Variants in TNPO3 observed in about 807,000 individuals in gnomAD.
The protein encoded by TNPO3 is transportin 3.
TNPO3 carries 65 observed loss-of-function variants against 122.8 expected under a neutral mutation model. The ratio of observed to expected loss-of-function variants is 0.53; its 90% CI spans 0.43 to 0.65. The LOEUF is 0.65. Among genes scored for constraint, TNPO3 ranks in the 30% least tolerant of loss-of-function variants. The probability of loss-of-function intolerance (pLI) is 0.00; values close to 1 mark genes in which losing one functional copy is unlikely to be tolerated. For synonymous variants in TNPO3, 372 were observed against 411.2 expected, an observed-to-expected ratio of 0.90 and a Z score of 1.15; for missense variants, 850 against 1,136.7, an observed-to-expected ratio of 0.75 and a Z score of 3.63.
intron 15 of TNPO3, among the ~76,000 whole-genome samples, chr7:128,979,337 A>T (rs1031323294): frequency 6.6e-6 from 1 of 152,246 alleles, no homozygotes; most frequent in African/African-American, 2.4e-5. Context: ...TTAGAACTGG[A>T]AGAGCATGTC....
intron 1 of TNPO3, among the ~76,000 whole-genome samples, chr7:129,019,522 C>T (rs748015319): frequency 5.3e-5 from 8 of 151,874 alleles, no homozygotes; most frequent in African/African-American, 1.9e-4. Flanking sequence ...AAATAAAGAC[C>T]CTGAATTTCC....
Position 129,017,003 on chromosome 7 carries a change from A to G in TNPO3, c.375T>C (p.Cys125=). The change falls in exon 3 of 23, where the codon TGT becomes TGC. Residue 125 remains cysteine, a synonymous_variant. Coordinates refer to ENST00000265388, the MANE Select transcript of TNPO3 (RefSeq NM_012470.4). ...LALQMPSWKG[C]VQTLVEKYSN... is the part of the protein sequence containing the mutation. ...CTTACTTTTCCACCAGTGTTTGCAC[A>G]CATCCCTTCCAGGAAGGCATCTGTA... The G allele has an allele frequency of 6.2e-7, 1 of 1,613,214 alleles. No homozygotes were observed. The highest frequency in any genetic ancestry group is 8.5e-7 in the Non-Finnish European group (1 of 1,179,954).
intron 1 of TNPO3, among the ~76,000 whole-genome samples, chr7:129,021,110 C>G (rs988692714): frequency 4.9e-4 from 75 of 151,976 alleles, no homozygotes; most frequent in Admixed American, 1.3e-3. Flanking sequence ...AATCCCAGCA[C>G]TTTGGGAGGC....
Position 128,955,552 on chromosome 7 carries a change from T to C in TNPO3, c.*32-167A>G, listed in dbSNP as rs11761242. On this transcript the variant is annotated intron_variant, in intron 22 of 22. Transcript: ENST00000265388. Reference sequence around the variant, plus strand: ...ATAAATAAAAGTCTGGCGTTTTAACTTGTGGGTTCAAGGGAGCTACTGCTT... The same window carrying C: ...ATAAATAAAAGTCTGGCGTTTTAACCTGTGGGTTCAAGGGAGCTACTGCTT... Among the ~76,000 whole-genome samples, 9,852 of 152,238 alleles carry C rather than the reference T, an allele frequency of 0.065. 666 individuals carry two copies. Among genetic ancestry groups the C allele is most frequent in the African/African-American group, 0.18 (7,293 of 41,508 alleles).
chr7:128,995,962 G>A (rs534160999), intron 8 of TNPO3, among the ~76,000 whole-genome samples: 3 of 152,196 alleles, frequency 2.0e-5, no homozygotes, highest in Non-Finnish European at 4.4e-5. Flanking sequence ...GCCTCCCAAA[G>A]TGCTGGGATT....
At chr7:128,998,192 T>TA (rs1397208904) in intron 7 of TNPO3, among the ~76,000 whole-genome samples, 1 of 151,630 alleles carries the variant, frequency 6.6e-6, no homozygotes, top group Admixed American at 6.6e-5. Flanking sequence ...ACACCATCTC[T>TA]AAAAAAATAC....
intron 19 of TNPO3, chr7:128,971,123 A>AC (rs1554435345): frequency 4.7e-5 from 7 of 149,472 alleles, no homozygotes; most frequent in East Asian, 2.0e-4. Flanking sequence ...AAAAAAAAAA[A>AC]CCCTTTTTTT....
chr7:129,044,660 G>A (rs1807810173), intron 1 of TNPO3, among the ~76,000 whole-genome samples: 1 of 152,126 alleles, frequency 6.6e-6, no homozygotes. Flanking sequence ...AATACTCTCT[G>A]GTAACATTTC....
intron 9 of TNPO3, 103 bp downstream of exon 9, chr7:128,993,704 C>A: frequency 1.0e-6 from 1 of 963,942 alleles, no homozygotes; most frequent in Non-Finnish European, 1.6e-6. Flanking sequence ...TCTCATTCAG[C>A]CACTAAAATT....
In TNPO3 at chr7:129,001,175, A is replaced by G. The variant is rs764539003; in HGVS notation, c.756T>C (p.Ala252=). Residue 252 remains alanine (A), a synonymous_variant, in exon 6 of 23, where the codon GCT becomes GCC. Transcript: ENST00000265388. The part of the protein sequence containing the change: ...HEAASDCVCS[A]LYAIENVETN... Reference sequence around the variant, plus strand: ...TCTCCACATTCTCAATGGCATAGAGAGCTGAGCATACACAGTCCGAAGCAG... The same window carrying G: ...TCTCCACATTCTCAATGGCATAGAGGGCTGAGCATACACAGTCCGAAGCAG... 7.7e-5 allele frequency: 124 copies of G among 1,613,984 alleles called. No homozygotes were observed. Among genetic ancestry groups the G allele is most frequent in the Non-Finnish European group, 1.0e-4 (123 of 1,180,014 alleles).
chr7:128,989,995 C>A lies in TNPO3; in HGVS notation c.1464G>T (p.Met488Ile). The A allele has an allele frequency of 6.2e-7, 1 of 1,614,222 alleles. No homozygotes were observed. ...RYTSIELVGE[M>I]SEVVDRNPQF... Reference sequence around the variant, plus strand: ...GAGGATTTCGATCAACGACTTCACTCATCTCTCCAACCAATTCAATGCTGG... The same window carrying A: ...GAGGATTTCGATCAACGACTTCACTAATCTCTCCAACCAATTCAATGCTGG... Residue 488 changes from methionine (M) to isoleucine (I), a missense_variant, in exon 11 of 23, where the codon ATG becomes ATT. Coordinates refer to ENST00000265388, the MANE Select transcript of TNPO3 (RefSeq NM_012470.4).
intron 21 of TNPO3, among the ~76,000 whole-genome samples, chr7:128,965,283 C>T (rs1797827780): frequency 6.6e-6 from 1 of 152,142 alleles, no homozygotes; most frequent in Non-Finnish European, 1.5e-5. Context: ...CTTGAATAGA[C>T]ATTTCTCCAA....
intron 17 of TNPO3, among the ~76,000 whole-genome samples, chr7:128,975,545 C>T (rs776607938): frequency 1.3e-5 from 2 of 152,028 alleles, no homozygotes; most frequent in African/African-American, 2.4e-5. Flanking sequence ...TTTTTCTCAC[C>T]TCCTCCCCCC....
intron 6 of TNPO3, 110 bp from the exon 7 acceptor site, chr7:129,000,677 T>A: frequency 1.8e-6 from 2 of 1,086,772 alleles, no homozygotes; most frequent in Non-Finnish European, 2.7e-6. Flanking sequence ...AAGGGACATC[T>A]AGTGATTATT....
intron 4 of TNPO3, among the ~76,000 whole-genome samples, chr7:129,010,707 C>G (rs185636306): frequency 1.3e-5 from 2 of 152,146 alleles, no homozygotes; most frequent in South Asian, 4.1e-4. Flanking sequence ...TATACTAAGA[C>G]ATAGCATCAA....
rs1041395983 is a variant in TNPO3 at position 128,956,773 on chromosome 7, C to T, written c.*31+451G>A. On this transcript the variant is annotated intron_variant, in intron 22 of 22. Transcript: ENST00000265388. ...AAACCTGGCACTTCAGCATTCAGGT[C>T]ATAAAAGTGATAAGAATAAGCTCTT... is the stretch of plus-strand genomic sequence containing the variant. 2.0e-4 allele frequency among the ~76,000 whole-genome samples: 30 copies of T among 152,174 alleles called. 1 individual carries two copies. The highest frequency in any genetic ancestry group is 6.5e-5 in the Admixed American group (1 of 15,282).
intron 1 of TNPO3, among the ~76,000 whole-genome samples, chr7:129,042,101 C>T (rs1807447833): frequency 6.6e-6 from 1 of 152,152 alleles, no homozygotes; most frequent in South Asian, 2.1e-4. Context: ...ATTACAGCTG[C>T]TAGTTAATCC....
intron 1 of TNPO3, among the ~76,000 whole-genome samples, chr7:129,022,714 A>C (rs1329676320): frequency 6.6e-6 from 1 of 152,224 alleles, no homozygotes; most frequent in Non-Finnish European, 1.5e-5. Context: ...CACTTCATGA[A>C]AGAAGAAAGA....
At chr7:129,025,411 A>G (rs530557745) in intron 1 of TNPO3, among the ~76,000 whole-genome samples, 40 of 138,066 alleles carry the variant, frequency 2.9e-4, no homozygotes, top group African/African-American at 1.0e-3. Flanking sequence ...GCTGGACTCA[A>G]CTATGAAGTG....
Sources: allele counts gnomAD v4.1 joint callset (sites outside exome capture counted in the v4.1 genomes callset), GRCh38; gene constraint gnomAD v4.1.1; transcripts MANE v1.5; gene names NCBI Gene and HGNC (gene_info 2026-07-23, HGNC 2026-07-21).